Variants in PERP observed in about 807,000 individuals in gnomAD.
The protein encoded by PERP is p53 apoptosis effector related to PMP22.
Under a neutral mutation model 20.3 loss-of-function variants are expected in PERP, and 11 were observed. The ratio of observed to expected loss-of-function variants is 0.54; its 90% CI spans 0.34 to 0.90. PERP has a LOEUF of 0.90. Ranked by LOEUF, PERP falls within the 40% of genes least tolerant of loss-of-function variation. PERP has a pLI of 0.02. For missense variants in PERP, 224 were observed against 249.4 expected (o/e 0.90, Z 0.69); for synonymous variants, 101 against 102.0 (o/e 0.99, Z 0.06).
chr6:138,089,817 G>C lies in PERP; in HGVS notation c.*2225C>G, dbSNP rs915595947. The C allele has an allele frequency of 6.6e-6, 1 of 152,090 alleles. No individual in the cohort carries two copies. Among genetic ancestry groups the C allele is most frequent in the African/African-American group, 2.4e-5 (1 of 41,370 alleles). 9.4% of individuals were successfully genotyped at this position (152,090 alleles called of 1,614,324 possible). ...TTTATCTTTGTCATAAATACTTTAGGTTGACATGGTTCTATTATATCAGGC... is the reference window on the plus strand; with the variant it reads ...TTTATCTTTGTCATAAATACTTTAGCTTGACATGGTTCTATTATATCAGGC... On this transcript the variant is annotated 3_prime_UTR_variant, in exon 3 of 3. Coordinates refer to ENST00000421351, the MANE Select transcript of PERP (RefSeq NM_022121.5).
At chr6:138,093,342 G>A (rs1180725904) in intron 2 of PERP, among the ~76,000 whole-genome samples, 1 of 151,962 alleles carries the variant, frequency 6.6e-6, no homozygotes, top group African/African-American at 2.4e-5. Context: ...CTTGTCTACA[G>A]CTCCACAGAT....
Position 138,091,788 on chromosome 6 carries a change from G to A in PERP, c.*254C>T. On this transcript the variant is annotated 3_prime_UTR_variant, in exon 3 of 3. Coordinates refer to ENST00000421351, the MANE Select transcript of PERP (RefSeq NM_022121.5). ...TTACAAATGTAGTATAAATGTTATG[G>A]ATAGATATAAGGAAATATTGGCATA... 1 of 372,738 alleles carries A rather than the reference G, an allele frequency of 2.7e-6. No homozygotes were observed. The highest frequency in any genetic ancestry group is 4.9e-6 in the Non-Finnish European group (1 of 204,734). 23.1% of individuals were successfully genotyped at this position (372,738 alleles called of 1,614,324 possible). A position where few individuals can be genotyped will look rare whatever the true frequency, so the allele number is the denominator to read the frequency against.
At chr6:138,100,494 C>G (rs534582860) in intron 1 of PERP, among the ~76,000 whole-genome samples, 1 of 152,016 alleles carries the variant, frequency 6.6e-6, no homozygotes, top group African/African-American at 2.4e-5. Flanking sequence ...CCATCTTTAT[C>G]TAATACGAAC....
At chr6:138,103,126 A>T (rs1775799163) in intron 1 of PERP, among the ~76,000 whole-genome samples, 1 of 151,414 alleles carries the variant, frequency 6.6e-6, no homozygotes, top group Admixed American at 6.6e-5. Flanking sequence ...CTGTCTGCTA[A>T]TGCCTAATTT....
At position 138,091,911 on chromosome 6, in the gene PERP, T is replaced by C; in HGVS notation, c.*131A>G. The C allele has an allele frequency of 1.4e-6, 1 of 690,798 alleles. No homozygotes were observed. The allele number at this position is 690,798 out of a possible 1,614,324, so 42.8% of individuals were successfully genotyped here. A position where few individuals can be genotyped will look rare whatever the true frequency, so the allele number is the denominator to read the frequency against. ...TTAAAAAATATTTTCTCCCAAATTA[T>C]TTTAGCATTTTTGACTAGTTTAATA... On this transcript the variant is annotated 3_prime_UTR_variant, in exon 3 of 3. Transcript: ENST00000421351.
In PERP at chr6:138,096,494, G is replaced by A. The variant is rs565134593; in HGVS notation, c.215C>T (p.Ala72Val). ...CATGGCAGCCGCTGCTCTACCCCAC[G>A]CTGCAAGAAAAAAAGAAACAGCAAT... ...EEGCQSLMEY[A>V]WGRAAAAMLF... The change falls in exon 2 of 3, where the codon GCG (alanine) becomes GTG (valine). Residue 72 changes from alanine to valine, a missense_variant and splice_region_variant. By Grantham distance (64) the Ala-to-Val change is moderately conservative (BLOSUM62 0). Coordinates refer to ENST00000421351, the MANE Select transcript of PERP (RefSeq NM_022121.5). 9 of 1,603,720 alleles carry A rather than the reference G, an allele frequency of 5.6e-6. No individual in the cohort carries two copies. The highest frequency in any genetic ancestry group is 1.7e-5 in the Admixed American group (1 of 57,488).
At chr6:138,099,060 A>C (rs1775737075) in intron 1 of PERP, among the ~76,000 whole-genome samples, 1 of 152,226 alleles carries the variant, frequency 6.6e-6, no homozygotes. Context: ...AACATTAATT[A>C]ATCAGACCTC....
intron 2 of PERP, among the ~76,000 whole-genome samples, chr6:138,094,211 GT>G (rs1775639258): frequency 6.6e-6 from 1 of 152,042 alleles, no homozygotes; most frequent in Non-Finnish European, 1.5e-5. Flanking sequence ...AATTCACAAT[GT>G]TGTATAACCA....
Position 138,107,334 on chromosome 6 carries a change from G to C in PERP, c.7C>G (p.Arg3Gly). 1.9e-6 allele frequency: 3 copies of C among 1,595,048 alleles called. No individual in the cohort carries two copies. Among genetic ancestry groups the C allele is most frequent in the Non-Finnish European group, 1.7e-6 (2 of 1,174,164 alleles). Reference sequence around the variant, plus strand: ...CAGCGCTCGCAGGCCAGGCCGCAGCGGATCATGTTGACGGGCGGCGCGGGG... The same window carrying C: ...CAGCGCTCGCAGGCCAGGCCGCAGCCGATCATGTTGACGGGCGGCGCGGGG... MIRCGLACERCRW... is the reference protein window; with the variant it reads MIGCGLACERCRW... Residue 3 changes from arginine to glycine, a missense_variant, in exon 1 of 3, where the codon CGC becomes GGC. By Grantham distance (125) the Arg-to-Gly change is moderately radical. Transcript: ENST00000421351. This position sits in a 1 kb window ranked among gnomAD's most constrained non-coding sequence, Gnocchi z 4.8.
intron 1 of PERP, among the ~76,000 whole-genome samples, chr6:138,099,216 T>C (rs1220866451): frequency 2.6e-5 from 4 of 152,358 alleles, no homozygotes; most frequent in Non-Finnish European, 4.4e-5. Flanking sequence ...GTGTTTCTTA[T>C]ATCCATAAAG....
intron 1 of PERP, among the ~76,000 whole-genome samples, 165 bp from the exon 2 acceptor site, chr6:138,096,659 G>C (rs903459906): frequency 6.6e-6 from 1 of 152,100 alleles, no homozygotes; most frequent in South Asian, 2.1e-4. Flanking sequence ...ATATTTTAAG[G>C]GAAGAACAGG....
At chr6:138,100,790 A>G (rs1205545803) in intron 1 of PERP, among the ~76,000 whole-genome samples, 1 of 152,144 alleles carries the variant, frequency 6.6e-6, no homozygotes. Context: ...AATCAAAGAA[A>G]CCAGCAGCAT....
At position 138,091,182 on chromosome 6, in the gene PERP, ACCC is replaced by A. The variant is rs1775573687; in HGVS notation, c.*857_*859del. ...TAGTGGCACTTTTGTGACAAGAATG[ACCC>A]TCCTAATGCTTTACTACACAACTTA... is the stretch of plus-strand genomic sequence containing the variant. On this transcript the variant is annotated 3_prime_UTR_variant, in exon 3 of 3. Coordinates refer to ENST00000421351, the MANE Select transcript of PERP (RefSeq NM_022121.5). 6.6e-6 allele frequency: 1 copy of A among 150,490 alleles called. No individual in the cohort carries two copies. The highest frequency in any genetic ancestry group is 2.4e-5 in the African/African-American group (1 of 41,140). 9.3% of individuals were successfully genotyped at this position (150,490 alleles called of 1,614,324 possible). A position where few individuals can be genotyped will look rare whatever the true frequency, so the allele number is the denominator to read the frequency against.
intron 2 of PERP, among the ~76,000 whole-genome samples, chr6:138,095,924 C>T (rs78763941): frequency 0.013 from 2,018 of 152,274 alleles, 51 homozygotes; most frequent in African/African-American, 0.043. Flanking sequence ...TTTCAGGACC[C>T]ACATCATAAG....
At chr6:138,096,004 C>A (rs527557966) in intron 2 of PERP, among the ~76,000 whole-genome samples, 11 of 151,842 alleles carry the variant, frequency 7.2e-5, no homozygotes, top group Non-Finnish European at 8.8e-5. Flanking sequence ...GGGCTCACAG[C>A]AGGCCAGGGC....
Position 138,107,157 on chromosome 6 carries a change from C to T in PERP, c.184G>A (p.Glu62Lys), listed in dbSNP as rs1775857307. ...SQEGGGSGSY[E>K]EGCQSLMEYA... ...TCCATGAGGCTCTGACAGCCCTCCT[C>T]GTAGGACCCGCTGCCGCCGCCCTCT... Residue 62 changes from glutamate (E) to lysine (K), a missense_variant, in exon 1 of 3, where the codon GAG becomes AAG. Transcript: ENST00000421351. This position sits in a 1 kb window ranked among gnomAD's most constrained non-coding sequence, Gnocchi z 4.8. The T allele has an allele frequency of 6.2e-7, 1 of 1,611,114 alleles. No individual in the cohort carries two copies. Among genetic ancestry groups the T allele is most frequent in the Non-Finnish European group, 8.5e-7 (1 of 1,179,218 alleles).
At chr6:138,103,926 T>A (rs888812607) in intron 1 of PERP, among the ~76,000 whole-genome samples, 1 of 152,234 alleles carries the variant, frequency 6.6e-6, no homozygotes. Context: ...ATTTACAGTA[T>A]GCAAAGGGTG....
intron 1 of PERP, among the ~76,000 whole-genome samples, chr6:138,106,562 A>G (rs2114348236): frequency 6.6e-6 from 1 of 152,364 alleles, no homozygotes; most frequent in African/African-American, 2.4e-5. Context: ...CACGCCCTAG[A>G]ACAAGAGCTA....
rs748595491 is a variant in PERP at position 138,107,347 on chromosome 6, G to A, written c.-7C>T. ...CCAGGCCGCAGCGGATCATGTTGAC[G>A]GGCGGCGCGGGGCCGAGCGGAGCGG... is the stretch of plus-strand genomic sequence containing the variant. On this transcript the variant is annotated 5_prime_UTR_variant, in exon 1 of 3. Coordinates refer to ENST00000421351, the MANE Select transcript of PERP (RefSeq NM_022121.5). The surrounding 1 kb of genome is among the most constrained non-coding windows in gnomAD (Gnocchi z 4.8). 8.8e-6 allele frequency: 14 copies of A among 1,582,500 alleles called. No individual in the cohort carries two copies. In the African/African-American group the frequency reaches 1.2e-4, roughly 14 times the overall value.
Sources: allele counts gnomAD v4.1 joint callset (sites outside exome capture counted in the v4.1 genomes callset), GRCh38; gene constraint gnomAD v4.1.1; non-coding constraint Gnocchi (gnomAD v3.1); transcripts MANE v1.5; gene names NCBI Gene and HGNC (gene_info 2026-07-23, HGNC 2026-07-21).